The following MCFD2 variants were observed in gnomAD, a reference collection of about 807,000 sequenced individuals.
MCFD2 encodes multiple coagulation factor deficiency 2, ER cargo receptor complex subunit.
MCFD2 carries 11 observed loss-of-function variants against 12.8 expected under a neutral mutation model. The ratio of observed to expected loss-of-function variants is 0.86; its 90% CI spans 0.54 to 1.42. The LOEUF (loss-of-function observed/expected upper bound fraction) is 1.42, where lower values mean the gene tolerates loss of function less well. MCFD2 is among the 40% of genes most tolerant of loss of function. The pLI is 0.00. For synonymous variants in MCFD2, 70 were observed against 68.1 expected (o/e 1.03, Z -0.14); for missense variants, 191 against 178.6 (o/e 1.07, Z -0.40).
intron 1 of MCFD2, among the ~76,000 whole-genome samples, chr2:46,934,108 C>T (rs1462250139): frequency 2.0e-5 from 3 of 151,648 alleles, no homozygotes; most frequent in African/African-American, 7.3e-5. Context: ...TGAGTCAGTA[C>T]ACAGGAAGAA....
At chr2:46,932,383 A>T (rs1029844483) in intron 1 of MCFD2, among the ~76,000 whole-genome samples, 4 of 152,106 alleles carry the variant, frequency 2.6e-5, no homozygotes, top group Non-Finnish European at 5.9e-5. Flanking sequence ...TCTTGACCTC[A>T]TATGATCCTC....
chr2:46,916,307 C>A, upstream of MCFD2: 1 of 377,316 alleles, frequency 2.7e-6, no homozygotes, highest in Non-Finnish European at 3.6e-6. Flanking sequence ...TGGCCTGCTT[C>A]CAGCGTCTGC....
upstream of MCFD2, among the ~76,000 whole-genome samples, chr2:46,919,300 C>T (rs772392503): frequency 5.3e-5 from 8 of 152,044 alleles, no homozygotes; most frequent in Admixed American, 2.0e-4. Context: ...TTTGGGAGGC[C>T]GAGGCGGCAA....
chr2:46,905,695 TAAA>T lies in MCFD2; in HGVS notation c.310-104_310-102del, dbSNP rs59068176. The stretch of plus-strand genomic sequence containing the variant: ...CATGTTCTTTCATGGCACTGTTTAT[TAAA>T]AAAAAAAAAAAAAAAAAGGAAAAAC... On this transcript the variant is annotated intron_variant, in intron 3 of 3. Transcript: ENST00000319466. 48,222 of 502,382 alleles carry T rather than the reference TAAA, an allele frequency of 0.096. 1,271 individuals are homozygous for T. Among genetic ancestry groups the T allele is most frequent in the African/African-American group, 0.24 (10,164 of 43,216 alleles). 31.1% of individuals were successfully genotyped at this position (502,382 alleles called of 1,614,324 possible).
At position 46,907,708 on chromosome 2, in the gene MCFD2, C is replaced by G. The variant is rs1668301845; in HGVS notation, c.309+102G>C. ...CATCATGCCCAGTGGAGAAGCAGCACTCTTGGCACATAAGGACAACACAAG... is the reference window on the plus strand; with the variant it reads ...CATCATGCCCAGTGGAGAAGCAGCAGTCTTGGCACATAAGGACAACACAAG... On this transcript the variant is annotated intron_variant, in intron 3 of 3. Coordinates refer to ENST00000319466, the MANE Select transcript of MCFD2 (RefSeq NM_139279.6). The surrounding 1 kb of genome is among the most constrained non-coding windows in gnomAD (Gnocchi z 4.1). The G allele has an allele frequency of 4.6e-6, 6 of 1,300,478 alleles. No individual in the cohort carries two copies. Among genetic ancestry groups the G allele is most frequent in the South Asian group, 1.2e-5 (1 of 83,428 alleles). The allele number at this position is 1,300,478 out of a possible 1,614,324, so 80.6% of individuals were successfully genotyped here.
At position 46,909,077 on chromosome 2, in the gene MCFD2, C is replaced by A. The variant is rs779155851; in HGVS notation, c.95G>T (p.Ser32Ile). Residue 32 changes from serine (S) to isoleucine (I), a missense_variant, in exon 2 of 4, where the codon AGC (serine) becomes ATC (isoleucine). Ser to Ile is a moderately radical substitution (Grantham distance 142). Coordinates refer to ENST00000319466, the MANE Select transcript of MCFD2 (RefSeq NM_139279.6). Reference sequence around the variant, plus strand: ...GCCCATGCTGCCGGGTTGGGAGAAGCTGGCTGCAGGCTCCTCAGCCCTGGC... The same window carrying A: ...GCCCATGCTGCCGGGTTGGGAGAAGATGGCTGCAGGCTCCTCAGCCCTGGC... ...PGARAEEPAA[S>I]FSQPGSMGLD... is the part of the protein sequence containing the mutation. 2 of 1,614,244 alleles carry A rather than the reference C, an allele frequency of 1.2e-6. No individual in the cohort carries two copies. The highest frequency in any genetic ancestry group is 3.3e-5 in the Admixed American group (2 of 60,034).
intron 1 of MCFD2, among the ~76,000 whole-genome samples, chr2:46,929,246 AG>A (rs1669567333): frequency 6.6e-6 from 1 of 152,102 alleles, no homozygotes. Context: ...CACTTTGGGA[AG>A]CTAAGGTAGG....
At chr2:46,906,614 C>A (rs921969401) in intron 3 of MCFD2, among the ~76,000 whole-genome samples, 1 of 151,428 alleles carries the variant, frequency 6.6e-6, no homozygotes, top group African/African-American at 2.4e-5. Flanking sequence ...CCTCCCACCC[C>A]GTCACCCCAG....
intron 1 of MCFD2, among the ~76,000 whole-genome samples, chr2:46,928,757 A>G (rs896594462): frequency 1.3e-5 from 2 of 151,002 alleles, no homozygotes; most frequent in Admixed American, 1.3e-4. Flanking sequence ...GTAATGTGAG[A>G]CTGTTTCAAA....
rs372872019 is a variant in MCFD2 at position 46,912,163 on chromosome 2, C to T, written c.-6-2986G>A. Among the ~76,000 whole-genome samples, 236 of 151,910 alleles carry T rather than the reference C, an allele frequency of 1.6e-3. 2 individuals carry two copies. Among genetic ancestry groups the T allele is most frequent in the African/African-American group, 5.4e-3 (222 of 41,446 alleles). On this transcript the variant is annotated intron_variant, in intron 1 of 3. Transcript: ENST00000319466. ...CCAGCCTGGCCAATGTGGCAAAATG[C>T]GTCTCTACTAAAAATACAAAAAAAA...
At position 46,906,475 on chromosome 2, in the gene MCFD2, A is replaced by ATT. The variant is rs70940646; in HGVS notation, c.310-883_310-882dup. ...TGACATTAAATGTGGAGGCACGAGG[A>ATT]TTTTTTTTTTTTTTTTTTTTTTTTT... On this transcript the variant is annotated intron_variant, in intron 3 of 3. Transcript: ENST00000319466. Among the ~76,000 whole-genome samples the ATT allele has an allele frequency of 5.5e-3, 504 of 91,692 alleles. 34 individuals are homozygous for ATT. The highest frequency in any genetic ancestry group is 0.017 in the African/African-American group (374 of 22,004). The allele number at this position is 91,692 out of a possible 152,430, so 60.2% of individuals were successfully genotyped here. A position where few individuals can be genotyped will look rare whatever the true frequency, so the allele number is the denominator to read the frequency against.
intron 1 of MCFD2, among the ~76,000 whole-genome samples, chr2:46,924,347 C>G (rs1314872267): frequency 6.6e-6 from 1 of 151,824 alleles, no homozygotes; most frequent in Non-Finnish European, 1.5e-5. Flanking sequence ...AAGTTAGCTC[C>G]TTCTTAATTT....
At chr2:46,916,288 T>C (rs1028820577), upstream of MCFD2, 5 of 586,842 alleles carry the variant, frequency 8.5e-6, no homozygotes, top group Non-Finnish European at 1.1e-5. Context: ...GGACCCTACG[T>C]TTCAAGATTG....
Position 46,908,225 on chromosome 2 carries a change from C to G in MCFD2, c.150-256G>C. The G allele has an allele frequency of 1.9e-6, 1 of 519,956 alleles. No homozygotes were observed. Among genetic ancestry groups the G allele is most frequent in the Non-Finnish European group, 3.5e-6 (1 of 289,472 alleles). The allele number at this position is 519,956 out of a possible 1,614,324, so 32.2% of individuals were successfully genotyped here. On this transcript the variant is annotated intron_variant, in intron 2 of 3. Coordinates refer to ENST00000319466, the MANE Select transcript of MCFD2 (RefSeq NM_139279.6). The surrounding 1 kb of genome is among the most constrained non-coding windows in gnomAD (Gnocchi z 4.5). ...CTTTATTATTAGAATTTTGTTATAA[C>G]ATTTTCAGGCCATCAATTTAAAAAT...
intron 1 of MCFD2, among the ~76,000 whole-genome samples, chr2:46,939,994 A>G (rs13407588): frequency 0.058 from 8,880 of 152,188 alleles, 315 homozygotes; most frequent in African/African-American, 0.093. Context: ...AATCCTGCCC[A>G]CCAAACAAGG....
At chr2:46,916,151 C>T (rs1426614420), upstream of MCFD2, 6 of 985,424 alleles carry the variant, frequency 6.1e-6, no homozygotes, top group African/African-American at 5.2e-5. Context: ...CAACTCCGCT[C>T]ACCCCCTCCT....
chr2:46,917,635 GTC>G (rs1212680777), upstream of MCFD2, among the ~76,000 whole-genome samples: 1 of 152,110 alleles, frequency 6.6e-6, no homozygotes, highest in Admixed American at 6.5e-5. Flanking sequence ...CCTGTGTTAT[GTC>G]TCTCTTGAAT....
At chr2:46,910,122 A>G (rs1179232529) in intron 1 of MCFD2, among the ~76,000 whole-genome samples, 1 of 152,230 alleles carries the variant, frequency 6.6e-6, no homozygotes, top group Non-Finnish European at 1.5e-5. Context: ...TCAGGATGCC[A>G]TCAGGAACTC....
intron 1 of MCFD2, among the ~76,000 whole-genome samples, chr2:46,924,906 C>T (rs1441373177): frequency 6.6e-6 from 1 of 152,210 alleles, no homozygotes; most frequent in Non-Finnish European, 1.5e-5. Flanking sequence ...GGATTATGAG[C>T]GTGAGCCAGC....
Sources: allele counts gnomAD v4.1 joint callset (sites outside exome capture counted in the v4.1 genomes callset), GRCh38; gene constraint gnomAD v4.1.1; non-coding constraint Gnocchi (gnomAD v3.1); transcripts MANE v1.5; gene names NCBI Gene and HGNC (gene_info 2026-07-23, HGNC 2026-07-21).